The following ZNF90 variants were observed in gnomAD, a reference collection of about 807,000 sequenced individuals.
ZNF90 encodes the protein zinc finger protein 90.
In ZNF90, 11 loss-of-function variants were observed where a neutral mutation model predicts 12.0. The ratio of observed to expected loss-of-function variants is 0.92; its 90% CI spans 0.58 to 1.52. The LOEUF is 1.52. Among genes scored for constraint, ZNF90 ranks in the 40% most tolerant of loss-of-function variants. The pLI is 0.00. For synonymous variants in ZNF90, 232 were observed against 240.1 expected (o/e 0.97, Z 0.31); for missense variants, 765 against 711.5 (o/e 1.08, Z -0.86).
At chr19:20,109,911 A>T (rs1555704882) in intron 3 of ZNF90, among the ~76,000 whole-genome samples, 1 of 152,142 alleles carries the variant, frequency 6.6e-6, no homozygotes, top group African/African-American at 2.4e-5. Context: ...CATCTTGCAA[A>T]ACTAAAACTT....
chr19:20,081,847 G>T (rs377389221), intron 1 of ZNF90, among the ~76,000 whole-genome samples: 19 of 150,128 alleles, frequency 1.3e-4, no homozygotes, highest in Non-Finnish European at 2.7e-4. Flanking sequence ...TCACTGCAAG[G>T]TCTGCCTCCC....
intron 1 of ZNF90, among the ~76,000 whole-genome samples, chr19:20,082,531 T>A (rs1344040515): frequency 6.6e-6 from 1 of 152,214 alleles, no homozygotes; most frequent in African/African-American, 2.4e-5. Context: ...GATTTAGGGC[T>A]ATGCAGGATG....
chr19:20,087,988 A>C (rs1178050250), intron 1 of ZNF90, among the ~76,000 whole-genome samples: 1 of 152,088 alleles, frequency 6.6e-6, no homozygotes, highest in Non-Finnish European at 1.5e-5. Flanking sequence ...GGCCATTTAC[A>C]CTTCCTTTGT....
rs537097433 is a variant in ZNF90, at chr19:20,083,611, G to A, written c.3+5476G>A. 2.0e-5 allele frequency among the ~76,000 whole-genome samples: 3 copies of A among 152,256 alleles called. No homozygotes were observed. In the East Asian group the frequency reaches 5.8e-4, roughly 29 times the overall value. ...CAAAGTGCTGGGATTACAGGCCTGA[G>A]CCACCACGCCCAGGCTCTGCATTAG... is the stretch of plus-strand genomic sequence containing the variant. On this transcript the variant is annotated intron_variant, in intron 1 of 3. Transcript: ENST00000418063.
At position 20,118,556 on chromosome 19, in the gene ZNF90, C is replaced by G; in HGVS notation, c.1002C>G (p.Ile334Met). The change falls in exon 4 of 4, where the codon ATC becomes ATG. Residue 334 changes from isoleucine to methionine, a missense_variant. Coordinates refer to ENST00000418063, the MANE Select transcript of ZNF90 (RefSeq NM_007138.2). The part of the protein sequence containing the change: ...LSSILSTHKR[I>M]HTGEKPYKCE... ...CAATCCTTAGTACACATAAGAGAAT[C>G]CATACTGGAGAGAAACCCTACAAAT... 16 of 1,569,158 alleles carry G rather than the reference C, an allele frequency of 1.0e-5. No individual in the cohort carries two copies. Among genetic ancestry groups the G allele is most frequent in the Non-Finnish European group, 1.4e-5 (16 of 1,159,098 alleles).
intron 1 of ZNF90, chr19:20,080,237 C>T (rs561854370): frequency 3.4e-6 from 2 of 582,328 alleles, no homozygotes; most frequent in Admixed American, 1.9e-5. Flanking sequence ...TTGATGAGCA[C>T]GATGCAATTC....
intron 1 of ZNF90, among the ~76,000 whole-genome samples, chr19:20,092,154 T>C (rs2088907710): frequency 6.6e-6 from 1 of 152,024 alleles, no homozygotes; most frequent in Admixed American, 6.6e-5. Context: ...ATGGTAATTG[T>C]GGGAGACTCA....
At chr19:20,086,685 C>T in intron 1 of ZNF90, among the ~76,000 whole-genome samples, 1 of 152,144 alleles carries the variant, frequency 6.6e-6, no homozygotes, top group South Asian at 2.1e-4. Flanking sequence ...TTAAACTATA[C>T]ACATACTATA....
At chr19:20,113,612 G>GGTTGT (rs1568291987) in intron 3 of ZNF90, among the ~76,000 whole-genome samples, 5 of 152,092 alleles carry the variant, frequency 3.3e-5, no homozygotes, top group Non-Finnish European at 7.4e-5. Context: ...GGCGGATCAT[G>GGTTGT]AGGTCAGGAA....
At position 20,117,882 on chromosome 19, in the gene ZNF90, A is replaced by T. The variant is rs1555705861; in HGVS notation, c.328A>T (p.Asn110Tyr). ...AAGATATGAAAAACGTGAATATGGC[A>T]ATTTAGAGTTAAAAAAAGGTTGTGA... Reference protein sequence around the residue: ...VTRYEKREYGNLELKKGCESV... With the variant: ...VTRYEKREYGYLELKKGCESV... Residue 110 changes from asparagine (N) to tyrosine (Y), a missense_variant, in exon 4 of 4, where the codon AAT (asparagine) becomes TAT (tyrosine). Physicochemically the swap from Asn to Tyr is moderately radical, Grantham distance 143 (BLOSUM62 -2). Transcript: ENST00000418063. The T allele has an allele frequency of 6.2e-7, 1 of 1,611,506 alleles. No homozygotes were observed. Among genetic ancestry groups the T allele is most frequent in the Admixed American group, 1.7e-5 (1 of 59,318 alleles).
At chr19:20,117,376 T>C (rs953107884) in intron 3 of ZNF90, among the ~76,000 whole-genome samples, 1 of 144,706 alleles carries the variant, frequency 6.9e-6, no homozygotes, top group Non-Finnish European at 1.5e-5. Context: ...TTCTTTTTTT[T>C]CCTTTCTTTT....
rs889659358 is a variant in ZNF90, at chr19:20,079,174, CTG to C, written c.3+1043_3+1044del. Among the ~76,000 whole-genome samples, 20 of 150,536 alleles carry C rather than the reference CTG, an allele frequency of 1.3e-4. No homozygotes were observed. The East Asian group carries it at 2.3e-3, about 18-fold the overall frequency. On this transcript the variant is annotated intron_variant, in intron 1 of 3. Coordinates refer to ENST00000418063, the MANE Select transcript of ZNF90 (RefSeq NM_007138.2). ...AAAATTTCCATCCTTTATGTAAACACTGTGTTTTAGTAACTTCACTGTATTTT... is the reference window on the plus strand; with the variant it reads ...AAAATTTCCATCCTTTATGTAAACACTGTTTTAGTAACTTCACTGTATTTT...
intron 1 of ZNF90, among the ~76,000 whole-genome samples, chr19:20,081,796 G>C (rs150667506): frequency 6.9e-6 from 1 of 144,976 alleles, no homozygotes; most frequent in Non-Finnish European, 1.5e-5. Context: ...ATGGCGTCTC[G>C]CTCTGTCATC....
At chr19:20,085,268 C>CTTTTTTTTTTTTTTTTTT (rs56068843) in intron 1 of ZNF90, among the ~76,000 whole-genome samples, 1 of 135,572 alleles carries the variant, frequency 7.4e-6, no homozygotes, top group African/African-American at 2.9e-5. Flanking sequence ...TTGCATTGGT[C>CTTTTTTTTTTTTTTTTTT]TTTTTTTTTT....
At chr19:20,078,267 C>A in intron 1 of ZNF90, 132 bp downstream of exon 1, 1 of 1,210,928 alleles carries the variant, frequency 8.3e-7, no homozygotes, top group Non-Finnish European at 1.2e-6. Flanking sequence ...TTGCCCAGTT[C>A]GGCCTCAGTC....
Position 20,078,042 on chromosome 19 carries a change from G to A in ZNF90, c.-91G>A. 1.3e-6 allele frequency: 2 copies of A among 1,571,650 alleles called. No homozygotes were observed. Among genetic ancestry groups the A allele is most frequent in the South Asian group, 2.2e-5 (2 of 90,164 alleles). On this transcript the variant is annotated 5_prime_UTR_variant, in exon 1 of 4. Coordinates refer to ENST00000418063, the MANE Select transcript of ZNF90 (RefSeq NM_007138.2). Reference sequence around the variant, plus strand: ...AGCTGGTGCTCCAAATCTGGTCTTAGCTGCTTCGTGTCTTCTTCTCCAGCC... The same window carrying A: ...AGCTGGTGCTCCAAATCTGGTCTTAACTGCTTCGTGTCTTCTTCTCCAGCC...
chr19:20,090,524 C>G (rs1215446639), intron 1 of ZNF90, among the ~76,000 whole-genome samples: 1 of 152,070 alleles, frequency 6.6e-6, no homozygotes, highest in South Asian at 2.1e-4. Flanking sequence ...GGACGGCAGT[C>G]GGGGACTATA....
At chr19:20,104,478 C>G in intron 2 of ZNF90, 113 bp downstream of exon 2, 1 of 1,216,754 alleles carries the variant, frequency 8.2e-7, no homozygotes, top group Non-Finnish European at 1.1e-6. Context: ...TTTAGATCCC[C>G]CTTTTCCTGA....
At chr19:20,093,261 TG>T (rs1555702928) in intron 1 of ZNF90, among the ~76,000 whole-genome samples, 1 of 152,066 alleles carries the variant, frequency 6.6e-6, no homozygotes, top group South Asian at 2.1e-4. Context: ...ACAGGTAAAA[TG>T]GGGGAATTGT....
Sources: allele counts gnomAD v4.1 joint callset (sites outside exome capture counted in the v4.1 genomes callset), GRCh38; gene constraint gnomAD v4.1.1; transcripts MANE v1.5; gene names NCBI Gene and HGNC (gene_info 2026-07-23, HGNC 2026-07-21).